SPAG16: variants seen among roughly 807,000 people sequenced by gnomAD.
SPAG16 encodes the protein sperm associated antigen 16, also known as sperm-associated antigen 16 protein.
A neutral mutation model predicts 80.4 loss-of-function variants in SPAG16; 86 were observed. That is an observed-to-expected ratio of 1.07 (90% CI 0.90 to 1.28). The LOEUF (loss-of-function observed/expected upper bound fraction) is 1.28, where lower values mean the gene tolerates loss of function less well. Ranked by LOEUF, SPAG16 falls within the 50% of genes most tolerant of loss-of-function variation. SPAG16 has a pLI of 0.00. For synonymous variants in SPAG16, 294 were observed against 265.9 expected, an observed-to-expected ratio of 1.11 and a Z score of -1.03; for missense variants, 870 against 765.3, an observed-to-expected ratio of 1.14 and a Z score of -1.61.
intron 9 of SPAG16, among the ~76,000 whole-genome samples, chr2:213,400,782 C>T (rs1392523148): frequency 6.6e-6 from 1 of 151,866 alleles, no homozygotes; most frequent in African/African-American, 2.4e-5. Context: ...AGAAAGGATT[C>T]TACTTCCCTG....
intron 10 of SPAG16, among the ~76,000 whole-genome samples, chr2:213,648,485 A>G (rs1431649783): frequency 6.6e-6 from 1 of 152,202 alleles, no homozygotes; most frequent in Non-Finnish European, 1.5e-5. Context: ...AATGTAATGA[A>G]TTCACTGACT....
intron 13 of SPAG16, among the ~76,000 whole-genome samples, chr2:214,097,403 G>A (rs1299347831): frequency 6.6e-6 from 1 of 152,002 alleles, no homozygotes; most frequent in Non-Finnish European, 1.5e-5. Flanking sequence ...GTGAGGGGCT[G>A]GCAGGTGCAC....
intron 6 of SPAG16, among the ~76,000 whole-genome samples, chr2:213,348,211 C>CT (rs776855485): frequency 1.1e-4 from 17 of 151,728 alleles, no homozygotes; most frequent in African/African-American, 2.7e-4. Flanking sequence ...GCAACCCCTG[C>CT]TTTTTTTTGT....
At chr2:213,515,004 A>G (rs2075369087) in intron 10 of SPAG16, among the ~76,000 whole-genome samples, 1 of 152,168 alleles carries the variant, frequency 6.6e-6, no homozygotes, top group Non-Finnish European at 1.5e-5. Flanking sequence ...AACTCTCTTG[A>G]TAACCATATT....
At chr2:213,407,633 G>C (rs1201545088) in intron 9 of SPAG16, among the ~76,000 whole-genome samples, 2,326 of 75,950 alleles carry the variant, frequency 0.031, 75 homozygotes, top group African/African-American at 0.072. Flanking sequence ...GAGAGAGAGA[G>C]AGAGAGACAG....
chr2:214,110,312 A>G (rs1211967548), intron 14 of SPAG16, among the ~76,000 whole-genome samples: 1 of 110,312 alleles, frequency 9.1e-6, no homozygotes, highest in Non-Finnish European at 1.8e-5. Flanking sequence ...GACAGGCCCC[A>G]GTGTGTGATG....
At chr2:213,919,601 T>C (rs1006535461) in intron 11 of SPAG16, among the ~76,000 whole-genome samples, 3 of 152,234 alleles carry the variant, frequency 2.0e-5, no homozygotes, top group African/African-American at 7.2e-5. Context: ...TTGTATGTTT[T>C]TCAGTGATTA....
chr2:214,079,844 G>C (rs769348), intron 13 of SPAG16, among the ~76,000 whole-genome samples: 82,314 of 152,020 alleles, frequency 0.54, 22,968 homozygotes, highest in Non-Finnish European at 0.58. Context: ...GTTTAGAAGA[G>C]AAAAGAGAAT....
intron 15 of SPAG16, among the ~76,000 whole-genome samples, chr2:214,378,703 G>A (rs571448075): frequency 6.6e-6 from 1 of 152,336 alleles, no homozygotes; most frequent in East Asian, 1.9e-4. Flanking sequence ...GAGAGAGGGG[G>A]TATATGCCAG....
chr2:213,742,800 G>A lies in SPAG16; in HGVS notation c.1071-119685G>A, dbSNP rs573045925. 1.2e-4 allele frequency among the ~76,000 whole-genome samples: 18 copies of A among 152,092 alleles called. No individual in the cohort carries two copies. The South Asian group carries it at 3.1e-3, about 26-fold the overall frequency. Reference sequence around the variant, plus strand: ...ACCCCTGACCTCAGGTGATCCACCCGTCTCGGCCTTCCAAGTAATCCTGAG... The same window carrying A: ...ACCCCTGACCTCAGGTGATCCACCCATCTCGGCCTTCCAAGTAATCCTGAG... On this transcript the variant is annotated intron_variant, in intron 10 of 15. Transcript: ENST00000331683.
intron 12 of SPAG16, among the ~76,000 whole-genome samples, chr2:213,988,856 T>C (rs1251854071): frequency 6.6e-6 from 1 of 152,104 alleles, no homozygotes; most frequent in Non-Finnish European, 1.5e-5. Flanking sequence ...TGGTTAAAGA[T>C]GAAAATTCTC....
chr2:213,668,296 G>T (rs2063685816), intron 10 of SPAG16, among the ~76,000 whole-genome samples: 1 of 144,214 alleles, frequency 6.9e-6, no homozygotes, highest in Non-Finnish European at 1.5e-5. Context: ...TTTCTGATGA[G>T]TTAGTACTCA....
intron 1 of SPAG16, among the ~76,000 whole-genome samples, chr2:213,288,448 G>A (rs2062139622): frequency 6.6e-6 from 1 of 151,512 alleles, no homozygotes. Context: ...GGGACTACAG[G>A]CATCTGCCAC....
intron 10 of SPAG16, among the ~76,000 whole-genome samples, chr2:213,535,449 T>C (rs2076210465): frequency 6.6e-6 from 1 of 152,170 alleles, no homozygotes; most frequent in Admixed American, 6.5e-5. Flanking sequence ...AGTTGAATAA[T>C]GTCACTTATG....
At chr2:214,165,838 A>G (rs778060286) in intron 15 of SPAG16, among the ~76,000 whole-genome samples, 1 of 152,068 alleles carries the variant, frequency 6.6e-6, no homozygotes, top group Admixed American at 6.6e-5. Flanking sequence ...TAAGAAAGCC[A>G]TATTTGCTAC....
rs113855571 is a variant in SPAG16, at chr2:214,009,880, C to T, written c.1401-4071C>T. On this transcript the variant is annotated intron_variant, in intron 12 of 15. Transcript: ENST00000331683. The stretch of plus-strand genomic sequence containing the variant: ...ACAGCTATCCCCCAATAGCTGTCCT[C>T]GTAAGTCATAATAAAAAGAAACCAA... Among the ~76,000 whole-genome samples, 1,222 of 151,658 alleles carry T rather than the reference C, an allele frequency of 8.1e-3. 12 individuals carry two copies. The highest frequency in any genetic ancestry group is 0.029 in the African/African-American group (1,172 of 41,082).
chr2:213,794,357 TG>T (rs1282841156), intron 10 of SPAG16, among the ~76,000 whole-genome samples: 3 of 152,110 alleles, frequency 2.0e-5, no homozygotes, highest in Non-Finnish European at 4.4e-5. Context: ...TATAAATGAC[TG>T]TTTAAATCCT....
At chr2:213,860,440 T>TATAG (rs2075387674) in intron 10 of SPAG16, among the ~76,000 whole-genome samples, 1 of 135,464 alleles carries the variant, frequency 7.4e-6, no homozygotes, top group African/African-American at 2.7e-5. Context: ...TATATATTTA[T>TATAG]AGATATATGT....
intron 10 of SPAG16, among the ~76,000 whole-genome samples, chr2:213,677,898 C>T (rs541094302): frequency 2.6e-5 from 4 of 152,108 alleles, no homozygotes; most frequent in African/African-American, 7.2e-5. Flanking sequence ...TGTAAAAGAA[C>T]AGAAATTATA....
Sources: gnomAD v4.1 joint callset for allele counts (sites outside exome capture counted in the v4.1 genomes callset) on GRCh38, gnomAD v4.1.1 for gene constraint, MANE v1.5 for transcripts, NCBI Gene and HGNC (gene_info 2026-07-23, HGNC 2026-07-21) for gene names.